The following AGAP3 variants were observed in gnomAD, a reference collection of about 807,000 sequenced individuals.
The protein encoded by AGAP3 is arf-GAP with GTPase, ANK repeat and PH domain-containing protein 3.
In AGAP3, 24 loss-of-function variants were observed where a neutral mutation model predicts 96.9. That is an observed-to-expected ratio of 0.25 (90% confidence interval 0.18 to 0.35). The LOEUF (loss-of-function observed/expected upper bound fraction) is 0.35. Ranked by LOEUF, AGAP3 falls within the 10% of genes least tolerant of loss-of-function variation. The probability of loss-of-function intolerance (pLI) is 1.00; values close to 1 mark genes in which losing one functional copy is unlikely to be tolerated. For missense variants in AGAP3, 876 were observed against 1,254.2 expected (o/e 0.70, Z 4.55); for synonymous variants, 563 against 536.1 (o/e 1.05, Z -0.69).
chr7:151,116,198 G>C (rs1799573488), intron 1 of AGAP3: 1 of 152,672 alleles, frequency 6.5e-6, no homozygotes, highest in Admixed American at 6.5e-5. Context: ...GGGAGCCCAG[G>C]AGGCGGCCTC....
At chr7:151,113,331 A>G (rs1374706168) in intron 1 of AGAP3, among the ~76,000 whole-genome samples, 3 of 152,194 alleles carry the variant, frequency 2.0e-5, no homozygotes, top group African/African-American at 4.8e-5. Context: ...ACCAACGCTA[A>G]TAACTAGTCC....
chr7:151,142,142 G>A lies in AGAP3; in HGVS notation c.1960-21G>A. 1 of 1,612,762 alleles carries A rather than the reference G, an allele frequency of 6.2e-7. No homozygotes were observed. The highest frequency in any genetic ancestry group is 8.5e-7 in the Non-Finnish European group (1 of 1,179,308). On this transcript the variant is annotated intron_variant, in intron 14 of 17. Coordinates refer to ENST00000397238, the MANE Select transcript of AGAP3 (RefSeq NM_031946.7). This position sits in a 1 kb window ranked among gnomAD's most constrained non-coding sequence, Gnocchi z 7.5. ...TGACTGACCAACCGCCCCTTGTCTT[G>A]TCTCTCCTGCTGTGCGACAGACTCG... is the stretch of plus-strand genomic sequence containing the variant.
chr7:151,090,923 A>G (rs1303295755), intron 1 of AGAP3, among the ~76,000 whole-genome samples: 3 of 152,156 alleles, frequency 2.0e-5, no homozygotes, highest in Admixed American at 6.5e-5. Flanking sequence ...CAGCCTGGGC[A>G]ACAGAGCAAG....
rs551281895 is a variant in AGAP3 at position 151,113,024 on chromosome 7, G to A, written c.332-3769G>A. 7.2e-5 allele frequency among the ~76,000 whole-genome samples: 11 copies of A among 152,274 alleles called. No homozygotes were observed. In the East Asian group the frequency reaches 7.7e-4, roughly 11 times the overall value. On this transcript the variant is annotated intron_variant, in intron 1 of 17. Coordinates refer to ENST00000397238, the MANE Select transcript of AGAP3 (RefSeq NM_031946.7). ...GTTGGGATTACAGGTGTGAGCCACC[G>A]CGCCCGACCCTTTGCTTGCATTTTC... is the stretch of plus-strand genomic sequence containing the variant.
intron 8 of AGAP3, among the ~76,000 whole-genome samples, chr7:151,122,503 G>A (rs1051431400): frequency 5.4e-5 from 8 of 147,640 alleles, no homozygotes; most frequent in African/African-American, 1.9e-4. Context: ...TGCCGCTGCC[G>A]CCCGCCGCCG....
chr7:151,130,551 C>G (rs1259363733), intron 10 of AGAP3, among the ~76,000 whole-genome samples: 1 of 152,118 alleles, frequency 6.6e-6, no homozygotes, highest in Admixed American at 6.5e-5. Context: ...GGGAGTTGGG[C>G]TTGCCTGCCT....
chr7:151,116,772 G>A (rs980868438), intron 1 of AGAP3, 21 bp from the exon 2 acceptor site: 5 of 1,613,934 alleles, frequency 3.1e-6, no homozygotes, highest in Middle Eastern at 3.3e-4. Context: ...GGCCCTGACG[G>A]GGCGGCTCTG....
At chr7:151,134,634 C>T in intron 11 of AGAP3, 66 bp downstream of exon 11, 1 of 1,474,696 alleles carries the variant, frequency 6.8e-7, no homozygotes, top group African/African-American at 1.4e-5. Context: ...AGCAGGCATT[C>T]TGGGCTTGGC....
intron 1 of AGAP3, among the ~76,000 whole-genome samples, chr7:151,092,894 C>G: frequency 6.6e-6 from 1 of 152,070 alleles, no homozygotes; most frequent in South Asian, 2.1e-4. Context: ...TCAAATGGAC[C>G]AGAGTTTAAC....
rs200498979 is a variant in AGAP3 at position 151,143,876 on chromosome 7, C to A, written c.2669C>A (p.Pro890His). The change falls in exon 18 of 18, where the codon CCC becomes CAC. Residue 890 changes from proline (P) to histidine (H), a missense_variant. Pro to His is a moderately conservative substitution (Grantham distance 77). Around this residue, in one of 8 missense-constraint regions of AGAP3, gnomAD observed 213 missense variants for 253.8 expected, o/e 0.84. Coordinates refer to ENST00000397238, the MANE Select transcript of AGAP3 (RefSeq NM_031946.7). The surrounding 1 kb of genome is among the most constrained non-coding windows in gnomAD (Gnocchi z 5.9). ...PGEGCGLAPT[P>H]NREPANGTNP... ...GAGGGCTGTGGCTTAGCGCCTACCC[C>A]CAACAGAGAGCCTGCCAATGGCACC... 1 of 1,613,860 alleles carries A rather than the reference C, an allele frequency of 6.2e-7. No homozygotes were observed. Among genetic ancestry groups the A allele is most frequent in the Non-Finnish European group, 8.5e-7 (1 of 1,180,024 alleles).
intron 8 of AGAP3, chr7:151,120,698 G>A (rs1238454818): frequency 8.1e-6 from 10 of 1,239,120 alleles, no homozygotes; most frequent in Non-Finnish European, 1.0e-5. Context: ...CAAAGGCTTA[G>A]CCATCTTTTC....
chr7:151,105,365 C>T (rs75426749), intron 1 of AGAP3, among the ~76,000 whole-genome samples: 2,112 of 152,298 alleles, frequency 0.014, 55 homozygotes, highest in African/African-American at 0.048. Flanking sequence ...CAGGCAGCCA[C>T]GGTCACCATT....
chr7:151,103,989 A>C (rs1023581841), intron 1 of AGAP3, among the ~76,000 whole-genome samples: 7 of 152,162 alleles, frequency 4.6e-5, no homozygotes, highest in African/African-American at 1.7e-4. Context: ...ACGGGACCAC[A>C]GCCTTAGTGC....
At chr7:151,138,554 T>A (rs1179093362) in intron 12 of AGAP3, among the ~76,000 whole-genome samples, 1 of 152,112 alleles carries the variant, frequency 6.6e-6, no homozygotes, top group Non-Finnish European at 1.5e-5. Context: ...GCAGCCCTTT[T>A]CCCCAGAGCC....
chr7:151,130,531 CAAGT>C (rs1022263569), intron 10 of AGAP3, among the ~76,000 whole-genome samples: 3 of 151,986 alleles, frequency 2.0e-5, no homozygotes, highest in African/African-American at 4.8e-5. Flanking sequence ...TGAGTGTTGT[CAAGT>C]AAGGAGGGAG....
At chr7:151,123,215 G>T (rs1214410211) in intron 8 of AGAP3, 26 of 1,078,740 alleles carry the variant, frequency 2.4e-5, no homozygotes, top group Non-Finnish European at 2.5e-5. Context: ...CGCCGCGCTT[G>T]CCTTGCCCCC....
At chr7:151,128,948 A>C (rs10235060) in intron 10 of AGAP3, among the ~76,000 whole-genome samples, 13,310 of 152,224 alleles carry the variant, frequency 0.087, 1,365 homozygotes, top group African/African-American at 0.25. Context: ...CCACTTCCAC[A>C]GAATTTCTGG....
chr7:151,110,752 G>A (rs1286946054), intron 1 of AGAP3, among the ~76,000 whole-genome samples: 1 of 152,160 alleles, frequency 6.6e-6, no homozygotes, highest in Non-Finnish European at 1.5e-5. Context: ...TGATGGATCT[G>A]GGCCACATTT....
At chr7:151,102,406 T>C (rs991756128) in intron 1 of AGAP3, among the ~76,000 whole-genome samples, 7 of 152,162 alleles carry the variant, frequency 4.6e-5, no homozygotes, top group African/African-American at 1.7e-4. Context: ...ATTGACAGCT[T>C]CTGCTGTGGG....
Sources: gnomAD v4.1 joint callset for allele counts (sites outside exome capture counted in the v4.1 genomes callset) on GRCh38, gnomAD v4.1.1 for gene constraint, gnomAD v4.1.1 regional missense constraint, Gnocchi (gnomAD v3.1) non-coding constraint, MANE v1.5 for transcripts, NCBI Gene and HGNC (gene_info 2026-07-23, HGNC 2026-07-21) for gene names.